Variants in SYDE2 observed in about 807,000 individuals in gnomAD.
SYDE2 encodes the protein rho GTPase-activating protein SYDE2.
SYDE2 carries 76 observed loss-of-function variants against 91.5 expected under a neutral mutation model. That is an observed-to-expected ratio of 0.83 (90% confidence interval 0.69 to 1.01). SYDE2 has a LOEUF of 1.01. Ranked by LOEUF, SYDE2 falls within the 50% of genes least tolerant of loss-of-function variation. SYDE2 has a pLI of 0.00. For synonymous variants in SYDE2, 513 were observed against 506.4 expected (o/e 1.01, Z -0.18); for missense variants, 1,364 against 1,367.7 (o/e 1.00, Z 0.04).
chr1:85,181,934 C>A (rs1335761930), intron 3 of SYDE2, 164 bp downstream of exon 3: 4 of 715,226 alleles, frequency 5.6e-6, no homozygotes, highest in Non-Finnish European at 8.7e-6. Flanking sequence ...CAACATGAGT[C>A]AAGTTAAAAA....
At chr1:85,187,869 G>A (rs1340065449) in intron 2 of SYDE2, among the ~76,000 whole-genome samples, 24 of 138,630 alleles carry the variant, frequency 1.7e-4, no homozygotes, top group African/African-American at 6.6e-4. Context: ...ACTGTTGTGG[G>A]GTGGGGGAGG....
In SYDE2 at chr1:85,159,989, G is replaced by A. The variant is rs554324535; in HGVS notation, c.3086-740C>T. On this transcript the variant is annotated intron_variant, in intron 6 of 6. Transcript: ENST00000341460. ...TATGCATTGTGCTAGCCATATAGAC[G>A]ATTACCACAGAGACACACATTACTT... 8 of 980,912 alleles carry A rather than the reference G, an allele frequency of 8.2e-6. No homozygotes were observed. The Admixed American group carries it at 2.5e-4, about 31-fold the overall frequency. The allele number at this position is 980,912 out of a possible 1,614,324, so 60.8% of individuals were successfully genotyped here.
chr1:85,171,983 A>T (rs1657521350), intron 4 of SYDE2, among the ~76,000 whole-genome samples: 1 of 152,196 alleles, frequency 6.6e-6, no homozygotes, highest in African/African-American at 2.4e-5. Context: ...ACACCTAAAC[A>T]TTTCAATGGT....
At chr1:85,170,923 G>A (rs1448192538) in intron 4 of SYDE2, among the ~76,000 whole-genome samples, 2 of 152,214 alleles carry the variant, frequency 1.3e-5, no homozygotes, top group African/African-American at 2.4e-5. Flanking sequence ...ATGCAGGTAT[G>A]TCTGTAGGAT....
chr1:85,199,103 C>T (rs2100699660), intron 1 of SYDE2, among the ~76,000 whole-genome samples: 1 of 152,190 alleles, frequency 6.6e-6, no homozygotes, highest in Non-Finnish European at 1.5e-5. Context: ...TTTGTTTCTC[C>T]CCACTGTTGT....
intron 4 of SYDE2, among the ~76,000 whole-genome samples, chr1:85,172,333 C>T (rs1238641716): frequency 3.3e-5 from 5 of 152,138 alleles, no homozygotes; most frequent in African/African-American, 7.2e-5. Context: ...ATTAAGTAGA[C>T]ACTCCAGAGT....
chr1:85,194,764 C>A (rs914744472), intron 1 of SYDE2: 1 of 918,298 alleles, frequency 1.1e-6, no homozygotes, highest in African/African-American at 1.8e-5. Flanking sequence ...ACTATTATTT[C>A]ATAATAAATC....
intron 4 of SYDE2, among the ~76,000 whole-genome samples, chr1:85,176,357 C>T (rs894892082): frequency 6.6e-6 from 1 of 151,974 alleles, no homozygotes; most frequent in Non-Finnish European, 1.5e-5. Flanking sequence ...AAAAAAGTGA[C>T]AGTTTGTTTT....
chr1:85,154,624 C>T (rs1490086467), downstream of SYDE2, among the ~76,000 whole-genome samples: 1 of 150,766 alleles, frequency 6.6e-6, no homozygotes, highest in Non-Finnish European at 1.5e-5. Context: ...CATTTGATGG[C>T]GCTCCATCAT....
At chr1:85,180,082 A>G (rs958524119) in intron 3 of SYDE2, among the ~76,000 whole-genome samples, 12 of 152,182 alleles carry the variant, frequency 7.9e-5, no homozygotes, top group Non-Finnish European at 1.5e-4. Context: ...AAGACAGACC[A>G]TAAGTATGAT....
intron 5 of SYDE2, among the ~76,000 whole-genome samples, chr1:85,165,224 A>ACTC (rs1657222829): frequency 6.6e-6 from 1 of 152,124 alleles, no homozygotes; most frequent in Admixed American, 6.5e-5. Flanking sequence ...GCTGAACGAG[A>ACTC]CCCTGTCAAA....
chr1:85,162,847 CA>C (rs1657110570), intron 6 of SYDE2, among the ~76,000 whole-genome samples: 1 of 152,084 alleles, frequency 6.6e-6, no homozygotes, highest in Non-Finnish European at 1.5e-5. Flanking sequence ...GTGGTAATGA[CA>C]AGATGGCTTT....
In SYDE2 at chr1:85,178,232, T is replaced by C. The variant is rs773070478; in HGVS notation, c.2585A>G (p.Lys862Arg). The change falls in exon 4 of 7, where the codon AAG (lysine) becomes AGG (arginine). Residue 862 changes from lysine to arginine, a missense_variant. By Grantham distance (26) the Lys-to-Arg change is conservative. Coordinates refer to ENST00000341460, the MANE Select transcript of SYDE2 (RefSeq NM_032184.2). The stretch of plus-strand genomic sequence containing the variant: ...CTCAAAAGCCTCTCGCAGTTCTTTC[T>C]TGACTGCTGCCGAACCACATAATCG... ...LYRLCGSAAV[K>R]KELREAFERD... 6.3e-7 allele frequency: 1 copy of C among 1,582,214 alleles called. No homozygotes were observed.
At chr1:85,164,999 C>T (rs1044133581) in intron 5 of SYDE2, among the ~76,000 whole-genome samples, 10 of 152,154 alleles carry the variant, frequency 6.6e-5, no homozygotes, top group African/African-American at 2.4e-5. Context: ...CTCTGGGAGG[C>T]TGAGGCAGGA....
At chr1:85,172,844 G>C (rs1344062068) in intron 4 of SYDE2, among the ~76,000 whole-genome samples, 1 of 152,184 alleles carries the variant, frequency 6.6e-6, no homozygotes, top group Admixed American at 6.5e-5. Context: ...AATCAGCAAG[G>C]AGTCCCAAGT....
intron 3 of SYDE2, among the ~76,000 whole-genome samples, chr1:85,180,026 A>G (rs111280159): frequency 6.6e-6 from 1 of 152,302 alleles, no homozygotes; most frequent in Non-Finnish European, 1.5e-5. Context: ...TCTGATGATG[A>G]TATCTTGAAT....
chr1:85,190,646 A>C lies in SYDE2; in HGVS notation c.852T>G (p.Val284=). The change falls in exon 2 of 7, where the codon GTT becomes GTG. Residue 284 remains valine (V), a synonymous_variant. Transcript: ENST00000341460. ...GATATAGCCAATTGCGTTTCTTTGA[A>C]ACAGTGATGCTGTTAAGTGGCTTAT... is the stretch of plus-strand genomic sequence containing the variant. The part of the protein sequence containing the change: ...RGHKPLNSIT[V]SKKRNWLYQS... The C allele has an allele frequency of 6.2e-7, 1 of 1,613,932 alleles. No individual in the cohort carries two copies. The highest frequency in any genetic ancestry group is 8.5e-7 in the Non-Finnish European group (1 of 1,179,870).
downstream of SYDE2, among the ~76,000 whole-genome samples, chr1:85,156,684 T>C (rs1351062438): frequency 6.6e-6 from 1 of 152,050 alleles, no homozygotes; most frequent in African/African-American, 2.4e-5. Context: ...CAAAATAATA[T>C]AGTAATATAG....
chr1:85,161,176 T>C (rs1201541535), intron 6 of SYDE2: 2 of 881,154 alleles, frequency 2.3e-6, no homozygotes, highest in Admixed American at 6.2e-5. Flanking sequence ...CAAAATGTAA[T>C]AAGTACTAAG....
Sources: gnomAD v4.1 joint callset for allele counts (sites outside exome capture counted in the v4.1 genomes callset) on GRCh38, gnomAD v4.1.1 for gene constraint, MANE v1.5 for transcripts, NCBI Gene and HGNC (gene_info 2026-07-23, HGNC 2026-07-21) for gene names.